HELZ: variants seen among roughly 807,000 people sequenced by gnomAD.
The protein encoded by HELZ is helicase with zinc finger.
A neutral mutation model predicts 218.2 loss-of-function variants in HELZ; 23 were observed. The observed-to-expected ratio is 0.11, with a 90% CI of 0.08 to 0.15. The LOEUF is 0.15. HELZ is among the 10% of genes least tolerant of loss of function. The pLI is 1.00. For synonymous variants in HELZ, 814 were observed against 829.4 expected (o/e 0.98, Z 0.32); for missense variants, 1,813 against 2,353.7 (o/e 0.77, Z 4.75).
rs2037884196 is a variant in HELZ, at chr17:67,128,807, T to C, written c.3231A>G (p.Leu1077=). The change falls in exon 24 of 33, where the codon CTA becomes CTG. Residue 1077 remains leucine, a synonymous_variant. Coordinates refer to ENST00000358691, the MANE Select transcript of HELZ (RefSeq NM_014877.4). ...FIALCHENSS[L]HGITFEQIKA... is the part of the protein sequence containing the mutation. ...TGATCTGTTCAAAAGTGATTCCATG[T>C]AGGCTACTGTTTTCATGACACAGGG... is the stretch of plus-strand genomic sequence containing the variant. 1.2e-6 allele frequency: 2 copies of C among 1,614,162 alleles called. No homozygotes were observed. The highest frequency in any genetic ancestry group is 1.7e-6 in the Non-Finnish European group (2 of 1,180,002).
intron 13 of HELZ, among the ~76,000 whole-genome samples, chr17:67,168,847 T>C (rs116893791): frequency 0.043 from 6,518 of 152,190 alleles, 185 homozygotes; most frequent in Middle Eastern, 0.1. Flanking sequence ...ATCCTAGCAC[T>C]ATGGGAGGCT....
intron 17 of HELZ, among the ~76,000 whole-genome samples, chr17:67,155,542 T>C (rs1226002676): frequency 6.6e-6 from 1 of 152,164 alleles, no homozygotes; most frequent in African/African-American, 2.4e-5. Flanking sequence ...TAGGAGCAAA[T>C]AACTTACAGG....
chr17:67,185,081 T>A (rs1207429878), intron 12 of HELZ, among the ~76,000 whole-genome samples: 1 of 152,166 alleles, frequency 6.6e-6, no homozygotes, highest in East Asian at 1.9e-4. Flanking sequence ...AGGCTGAAGA[T>A]CAAATTAGCC....
At position 67,078,324 on chromosome 17, in the gene HELZ, A is replaced by C; in HGVS notation, c.5757T>G (p.Pro1919=). The C allele has an allele frequency of 6.2e-7, 1 of 1,614,058 alleles. No homozygotes were observed. Among genetic ancestry groups the C allele is most frequent in the Non-Finnish European group, 8.5e-7 (1 of 1,179,968 alleles). ...GGCTCAGTTCCTGGAAGAGAGACAG[A>C]GGGTCGCTACTCTTCTTGGCCTGCT... ...PPEQAKKSSD[P]LSLFQELSLG... The change falls in exon 33 of 33, where the codon CCT becomes CCG. Residue 1919 remains proline, a synonymous_variant. Transcript: ENST00000358691.
chr17:67,186,211 A>G (rs1480502713), intron 12 of HELZ, among the ~76,000 whole-genome samples: 1 of 152,122 alleles, frequency 6.6e-6, no homozygotes, highest in Admixed American at 6.5e-5. Flanking sequence ...TTTTGTGTAT[A>G]AGCCAGAAAT....
chr17:67,207,131 C>T (rs1440371753), intron 5 of HELZ, among the ~76,000 whole-genome samples: 2 of 142,370 alleles, frequency 1.4e-5, no homozygotes, highest in Non-Finnish European at 3.0e-5. Flanking sequence ...AGGTTGGTCT[C>T]GAACTCCTGA....
intron 13 of HELZ, among the ~76,000 whole-genome samples, chr17:67,172,716 T>G (rs2039348176): frequency 6.6e-6 from 1 of 152,084 alleles, no homozygotes; most frequent in Non-Finnish European, 1.5e-5. Flanking sequence ...CAAGCGATCC[T>G]CCCCTCAGCC....
intron 24 of HELZ, among the ~76,000 whole-genome samples, chr17:67,126,910 G>C (rs1017046067): frequency 1.3e-5 from 2 of 151,958 alleles, no homozygotes; most frequent in African/African-American, 4.8e-5. Flanking sequence ...AGCTAGCTAT[G>C]TATGAAAGTC....
intron 28 of HELZ, among the ~76,000 whole-genome samples, chr17:67,111,557 A>G: frequency 6.6e-6 from 1 of 152,206 alleles, no homozygotes; most frequent in Non-Finnish European, 1.5e-5. Context: ...GCTGGGGTAC[A>G]CTTGGTGACC....
At chr17:67,176,366 T>C (rs560057712) in intron 13 of HELZ, 1 of 152,348 alleles carries the variant, frequency 6.6e-6, no homozygotes, top group East Asian at 1.9e-4. Flanking sequence ...TTGTATAACA[T>C]TCAATCATAT....
At chr17:67,127,385 A>G (rs890120829) in intron 24 of HELZ, among the ~76,000 whole-genome samples, 18 of 152,242 alleles carry the variant, frequency 1.2e-4, no homozygotes, top group Non-Finnish European at 2.4e-4. Flanking sequence ...ACAATGTGTG[A>G]TACCCTAAAA....
chr17:67,092,684 G>A (rs577815288), intron 31 of HELZ, among the ~76,000 whole-genome samples: 11 of 152,296 alleles, frequency 7.2e-5, no homozygotes, highest in Middle Eastern at 3.4e-3. Context: ...ATAATCAAGC[G>A]GCCAGGCGCA....
chr17:67,136,335 T>G, intron 22 of HELZ, 137 bp from the exon 23 acceptor site: 1 of 639,654 alleles, frequency 1.6e-6, no homozygotes, highest in Non-Finnish European at 2.7e-6. Flanking sequence ...GAAACCCTTA[T>G]GCACTGCTGG....
chr17:67,140,299 T>C (rs2038282337), intron 21 of HELZ, among the ~76,000 whole-genome samples: 1 of 152,132 alleles, frequency 6.6e-6, no homozygotes, highest in Non-Finnish European at 1.5e-5. Flanking sequence ...CCCCAACAAC[T>C]GCTCCATAAG....
chr17:67,239,963 T>C (rs1024906113), intron 2 of HELZ, among the ~76,000 whole-genome samples: 7 of 152,188 alleles, frequency 4.6e-5, no homozygotes, highest in African/African-American at 1.7e-4. Context: ...AAAAAGCCTA[T>C]AGTAAATATA....
chr17:67,215,833 C>CAAAAA, intron 5 of HELZ, 66 bp downstream of exon 5: 3 of 855,178 alleles, frequency 3.5e-6, no homozygotes, highest in South Asian at 3.6e-5. Flanking sequence ...TGAAATTAGC[C>CAAAAA]AAAAAAAAAA....
chr17:67,198,646 A>G (rs969326705), intron 7 of HELZ, among the ~76,000 whole-genome samples: 8 of 152,232 alleles, frequency 5.3e-5, no homozygotes, highest in Non-Finnish European at 8.8e-5. Context: ...ACTAAAGAAT[A>G]CTTGTTTTTG....
At position 67,071,561 on chromosome 17, in the gene HELZ, T is replaced by C. The variant is rs1031560293; in HGVS notation, c.*6691A>G. On this transcript the variant is annotated 3_prime_UTR_variant, in exon 33 of 33. Coordinates refer to ENST00000358691, the MANE Select transcript of HELZ (RefSeq NM_014877.4). ...CTTTTACACCTAAGTCATTCTGTATTCTATTACCATAAAAATAGCTTTTTT... is the reference window on the plus strand; with the variant it reads ...CTTTTACACCTAAGTCATTCTGTATCCTATTACCATAAAAATAGCTTTTTT... The C allele has an allele frequency of 6.6e-6, 1 of 152,202 alleles. No individual in the cohort carries two copies. The highest frequency in any genetic ancestry group is 1.5e-5 in the Non-Finnish European group (1 of 68,032). 9.4% of individuals were successfully genotyped at this position (152,202 alleles called of 1,614,324 possible). A position where few individuals can be genotyped will look rare whatever the true frequency, so the allele number is the denominator to read the frequency against.
intron 13 of HELZ, among the ~76,000 whole-genome samples, chr17:67,177,197 T>C (rs973467863): frequency 6.6e-6 from 1 of 151,940 alleles, no homozygotes; most frequent in Non-Finnish European, 1.5e-5. Flanking sequence ...AAGCAATCCA[T>C]CCACCTCAGC....
Sources: allele counts gnomAD v4.1 joint callset (sites outside exome capture counted in the v4.1 genomes callset), GRCh38; gene constraint gnomAD v4.1.1; transcripts MANE v1.5; gene names NCBI Gene and HGNC (gene_info 2026-07-23, HGNC 2026-07-21).